Variants in LARGE1 observed in about 807,000 individuals in gnomAD.
LARGE1 encodes the protein LARGE xylosyl- and glucuronyltransferase 1, also known as xylosyl- and glucuronyltransferase LARGE1.
Under a neutral mutation model 87.6 loss-of-function variants are expected in LARGE1, and 43 were observed. The ratio of observed to expected loss-of-function variants is 0.49; its 90% CI spans 0.38 to 0.63. The LOEUF (loss-of-function observed/expected upper bound fraction) is 0.63. Ranked by LOEUF, LARGE1 falls within the 30% of genes least tolerant of loss-of-function variation. The pLI is 0.00. For synonymous variants in LARGE1, 434 were observed against 394.6 expected (o/e 1.10, Z -1.18); for missense variants, 802 against 1,000.2 (o/e 0.80, Z 2.67).
chr22:33,720,452 C>T (rs1028387890), intron 2 of LARGE1, among the ~76,000 whole-genome samples: 1 of 151,976 alleles, frequency 6.6e-6, no homozygotes, highest in African/African-American at 2.4e-5. Flanking sequence ...GGCTGAGGAC[C>T]CCTGGGCTAT....
chr22:33,328,541 T>G (rs1446138620), intron 10 of LARGE1, among the ~76,000 whole-genome samples: 1 of 151,826 alleles, frequency 6.6e-6, no homozygotes, highest in Non-Finnish European at 1.5e-5. Flanking sequence ...ATTGTGCCAC[T>G]GCACTCTAGC....
chr22:33,119,102 G>A, the LARGE1 span, among the ~76,000 whole-genome samples: 1 of 152,180 alleles, frequency 6.6e-6, no homozygotes, highest in Non-Finnish European at 1.5e-5. Context: ...GAGGTCTCTC[G>A]AGAGTTTTGC....
chr22:33,164,913 C>T (rs567720781), exon 12 of LARGE1: 2 of 152,172 alleles, frequency 1.3e-5, no homozygotes, highest in African/African-American at 4.8e-5. Flanking sequence ...GAACAGAAAA[C>T]CAAATACCGC....
chr22:33,603,215 A>G (rs1265488259), intron 5 of LARGE1, among the ~76,000 whole-genome samples: 1 of 152,228 alleles, frequency 6.6e-6, no homozygotes, highest in Non-Finnish European at 1.5e-5. Flanking sequence ...TCTATTAAAA[A>G]TGCTATGGCT....
At chr22:33,132,010 C>T in the LARGE1 span, among the ~76,000 whole-genome samples, 1,246 of 151,722 alleles carry the variant, frequency 8.2e-3, 14 homozygotes, top group African/African-American at 0.027. Flanking sequence ...AAGACTCAGT[C>T]ACTATCACGA....
chr22:33,174,955 A>C (rs184980678), intron 11 of LARGE1, among the ~76,000 whole-genome samples: 8 of 152,338 alleles, frequency 5.3e-5, no homozygotes, highest in Admixed American at 6.5e-5. Context: ...CAATAGAAAA[A>C]GAGGGAATCC....
chr22:33,699,304 G>C (rs1432959540), intron 2 of LARGE1, among the ~76,000 whole-genome samples: 1 of 152,220 alleles, frequency 6.6e-6, no homozygotes, highest in Non-Finnish European at 1.5e-5. Flanking sequence ...CGCAGAATGG[G>C]TGTCACAGGC....
At chr22:33,778,338 A>G (rs2085312537) in intron 1 of LARGE1, among the ~76,000 whole-genome samples, 1 of 152,208 alleles carries the variant, frequency 6.6e-6, no homozygotes, top group Non-Finnish European at 1.5e-5. Flanking sequence ...TATTGCAGCA[A>G]AATACACATA....
At chr22:33,111,565 T>C in the LARGE1 span, among the ~76,000 whole-genome samples, 1 of 152,142 alleles carries the variant, frequency 6.6e-6, no homozygotes, top group Non-Finnish European at 1.5e-5. Context: ...TCAGCCTCAC[T>C]GACAATTCCC....
At chr22:33,539,549 A>G (rs1011295496) in intron 6 of LARGE1, among the ~76,000 whole-genome samples, 28 of 152,296 alleles carry the variant, frequency 1.8e-4, no homozygotes, top group African/African-American at 6.7e-4. Flanking sequence ...TGTCACAATC[A>G]AGATCAGAAT....
rs536790307 is a variant in LARGE1, at chr22:33,568,420, C to A, written c.616-3401G>T. Among the ~76,000 whole-genome samples, 11 of 152,210 alleles carry A rather than the reference C, an allele frequency of 7.2e-5. No individual in the cohort carries two copies. In the South Asian group the frequency reaches 2.3e-3, roughly 32 times the overall value. ...CCTAGAAGGAAAAACCTCACACAAC[C>A]GAGTCATACAGTTAACACAAGGGCA... On this transcript the variant is annotated intron_variant, in intron 5 of 14. Transcript: ENST00000397394.
intron 10 of LARGE1, among the ~76,000 whole-genome samples, chr22:33,318,471 T>C (rs546859492): frequency 3.2e-4 from 49 of 152,252 alleles, no homozygotes; most frequent in South Asian, 2.5e-3. Context: ...TAGTATTCCA[T>C]GGTGTATATG....
At chr22:33,683,554 CG>C (rs1469336573) in intron 2 of LARGE1, among the ~76,000 whole-genome samples, 1 of 151,594 alleles carries the variant, frequency 6.6e-6, no homozygotes, top group Non-Finnish European at 1.5e-5. Flanking sequence ...GATGGACAGA[CG>C]GAAGGACGGA....
chr22:33,644,588 AG>A (rs2080548220), intron 3 of LARGE1, among the ~76,000 whole-genome samples: 1 of 152,232 alleles, frequency 6.6e-6, no homozygotes, highest in Admixed American at 6.5e-5. Context: ...AAAGAATTAA[AG>A]GGTATTCAAA....
At chr22:33,904,676 C>G (rs1426785577) in intron 1 of LARGE1, among the ~76,000 whole-genome samples, 1 of 152,130 alleles carries the variant, frequency 6.6e-6, no homozygotes, top group African/African-American at 2.4e-5. Context: ...GCCCTCGGGT[C>G]TTCAGTCACT....
At chr22:33,860,901 C>T (rs912091710) in intron 1 of LARGE1, among the ~76,000 whole-genome samples, 2 of 152,286 alleles carry the variant, frequency 1.3e-5, no homozygotes, top group Middle Eastern at 3.4e-3. Context: ...TTCTGATGAC[C>T]TACTGCACTG....
At chr22:33,104,885 CTCTCTCTT>C in the LARGE1 span, among the ~76,000 whole-genome samples, 95 of 29,526 alleles carry the variant, frequency 3.2e-3, no homozygotes, top group African/African-American at 5.4e-3. Flanking sequence ...AATAGACTTT[CTCTCTCTT>C]TCTTTCTTTC....
At chr22:33,544,789 C>T (rs892198579) in intron 6 of LARGE1, among the ~76,000 whole-genome samples, 5 of 152,168 alleles carry the variant, frequency 3.3e-5, no homozygotes, top group Non-Finnish European at 7.3e-5. Context: ...CAGCTTGGGT[C>T]ACAAATCTGC....
At chr22:33,728,759 T>C (rs1319573645) in intron 2 of LARGE1, among the ~76,000 whole-genome samples, 2 of 151,894 alleles carry the variant, frequency 1.3e-5, no homozygotes, top group African/African-American at 4.8e-5. Context: ...GCAGGACCCA[T>C]AGGTCTACAC....
Sources: allele counts gnomAD v4.1 joint callset (sites outside exome capture counted in the v4.1 genomes callset), GRCh38; gene constraint gnomAD v4.1.1; transcripts MANE v1.5; gene names NCBI Gene and HGNC (gene_info 2026-07-23, HGNC 2026-07-21).